Variants in GRM3 observed in about 807,000 individuals in gnomAD.
The protein encoded by GRM3 is glutamate metabotropic receptor 3.
In GRM3, 26 loss-of-function variants were observed where a neutral mutation model predicts 70.5. That is an observed-to-expected ratio of 0.37 (90% CI 0.27 to 0.51). The LOEUF (loss-of-function observed/expected upper bound fraction) is 0.51, where lower values mean the gene tolerates loss of function less well. Ranked by LOEUF, GRM3 falls within the 20% of genes least tolerant of loss-of-function variation. GRM3 has a pLI of 0.93. For missense variants in GRM3, 859 were observed against 1,123.8 expected, an observed-to-expected ratio of 0.76 and a Z score of 3.37; for synonymous variants, 443 against 434.9, an observed-to-expected ratio of 1.02 and a Z score of -0.23.
intron 3 of GRM3, among the ~76,000 whole-genome samples, chr7:86,814,052 T>A (rs1422011457): frequency 4.6e-5 from 7 of 151,712 alleles, no homozygotes; most frequent in Non-Finnish European, 1.0e-4. Flanking sequence ...AAGTAGACTA[T>A]AAATCATCTA....
At chr7:86,741,270 G>T (rs186935096) in intron 1 of GRM3, among the ~76,000 whole-genome samples, 1 of 152,256 alleles carries the variant, frequency 6.6e-6, no homozygotes, top group East Asian at 1.9e-4. Context: ...TACATACACG[G>T]TATTCCAGTG....
intron 2 of GRM3, among the ~76,000 whole-genome samples, chr7:86,767,395 G>A (rs1185609432): frequency 6.6e-6 from 1 of 150,934 alleles, no homozygotes; most frequent in African/African-American, 2.4e-5. Context: ...TTCACTAGAT[G>A]GATAGAAAAT....
chr7:86,801,025 C>T (rs1797668368), intron 3 of GRM3, among the ~76,000 whole-genome samples: 1 of 148,662 alleles, frequency 6.7e-6, no homozygotes, highest in African/African-American at 2.5e-5. Context: ...TGGCTAGCAA[C>T]TAGTCTCATC....
At chr7:86,757,628 A>G (rs1399849359) in intron 1 of GRM3, among the ~76,000 whole-genome samples, 1 of 152,164 alleles carries the variant, frequency 6.6e-6, no homozygotes, top group Non-Finnish European at 1.5e-5. Flanking sequence ...TCACTGCCCC[A>G]CAAATAGCAA....
At chr7:86,835,550 C>T (rs894769585) in intron 3 of GRM3, among the ~76,000 whole-genome samples, 9 of 152,108 alleles carry the variant, frequency 5.9e-5, no homozygotes, top group African/African-American at 2.2e-4. Context: ...TTAGAAGAAT[C>T]TTTCCAACAT....
Position 86,839,963 on chromosome 7 carries a change from T to A in GRM3, c.2391+58T>A. 2 of 1,012,708 alleles carry A rather than the reference T, an allele frequency of 2.0e-6. No homozygotes were observed. The highest frequency in any genetic ancestry group is 1.5e-6 in the Non-Finnish European group (1 of 655,920). The allele number at this position is 1,012,708 out of a possible 1,614,324, so 62.7% of individuals were successfully genotyped here. Reference sequence around the variant, plus strand: ...TCTTTCTCCTCCAGTGTTTCTTGTGTAGTATTTAAAATAGACTCCTTTTAT... The same window carrying A: ...TCTTTCTCCTCCAGTGTTTCTTGTGAAGTATTTAAAATAGACTCCTTTTAT... On this transcript the variant is annotated intron_variant, in intron 4 of 5. Coordinates refer to ENST00000361669, the MANE Select transcript of GRM3 (RefSeq NM_000840.3). This position sits in a 1 kb window ranked among gnomAD's most constrained non-coding sequence, Gnocchi z 4.5.
intron 3 of GRM3, among the ~76,000 whole-genome samples, chr7:86,835,049 T>C (rs553507065): frequency 6.6e-6 from 1 of 152,188 alleles, no homozygotes; most frequent in South Asian, 2.1e-4. Context: ...TCCTAACCAA[T>C]ACTAAAATTT....
Position 86,765,318 on chromosome 7 carries a change from G to A in GRM3, c.173G>A (p.Gly58Glu). Residue 58 changes from glycine (G) to glutamate (E), a missense_variant, in exon 2 of 6, where the codon GGG (glycine) becomes GAG (glutamate). Physicochemically the swap from Gly to Glu is moderately conservative, Grantham distance 98. Coordinates refer to ENST00000361669, the MANE Select transcript of GRM3 (RefSeq NM_000840.3). Reference protein sequence around the residue: ...NEKGTGTEECGRINEDRGIQR... With the variant: ...NEKGTGTEECERINEDRGIQR... ...AAAGGCACTGGAACTGAAGAATGTG[G>A]GCGAATCAATGAAGACCGAGGGATT... 1 of 1,613,894 alleles carries A rather than the reference G, an allele frequency of 6.2e-7. No individual in the cohort carries two copies. The highest frequency in any genetic ancestry group is 8.5e-7 in the Non-Finnish European group (1 of 1,179,876).
intron 4 of GRM3, 108 bp from the exon 5 acceptor site, chr7:86,850,262 T>A: frequency 1.4e-6 from 1 of 694,996 alleles, no homozygotes; most frequent in Non-Finnish European, 2.6e-6. Context: ...AGGACAGAGC[T>A]GTCAATTATT....
intron 1 of GRM3, among the ~76,000 whole-genome samples, chr7:86,658,758 T>G (rs1057153529): frequency 3.5e-4 from 53 of 152,068 alleles, no homozygotes; most frequent in African/African-American, 1.2e-3. Context: ...AACTGGGGTA[T>G]TGTGTTTTAT....
In GRM3 at chr7:86,765,488, G is replaced by A. The variant is rs541049570; in HGVS notation, c.343G>A (p.Ala115Thr). ...ALEQSLEFVR[A>T]SLTKVDEAEY... Reference sequence around the variant, plus strand: ...GGAGCAATCACTGGAGTTTGTCAGGGCATCTTTGACAAAAGTGGATGAAGC... The same window carrying A: ...GGAGCAATCACTGGAGTTTGTCAGGACATCTTTGACAAAAGTGGATGAAGC... Residue 115 changes from alanine to threonine, a missense_variant, in exon 2 of 6, where the codon GCA becomes ACA. Transcript: ENST00000361669. 2.3e-5 allele frequency: 37 copies of A among 1,613,882 alleles called. No homozygotes were observed. Among genetic ancestry groups the A allele is most frequent in the East Asian group, 2.2e-4 (10 of 44,870 alleles).
At chr7:86,656,529 A>G (rs910403467) in intron 1 of GRM3, among the ~76,000 whole-genome samples, 1 of 152,008 alleles carries the variant, frequency 6.6e-6, no homozygotes, top group African/African-American at 2.4e-5. Flanking sequence ...TTGGCCTCCC[A>G]AAGTGCTGGG....
At chr7:86,789,628 C>G (rs1020328838) in intron 3 of GRM3, among the ~76,000 whole-genome samples, 1 of 152,140 alleles carries the variant, frequency 6.6e-6, no homozygotes, top group Non-Finnish European at 1.5e-5. Flanking sequence ...ACACACTTAG[C>G]AGACACTAAA....
At chr7:86,655,623 T>C (rs545150181) in intron 1 of GRM3, among the ~76,000 whole-genome samples, 1 of 151,386 alleles carries the variant, frequency 6.6e-6, no homozygotes, top group African/African-American at 2.4e-5. Context: ...AGCAGGAGCC[T>C]CTTTCAAGTA....
At chr7:86,834,089 CTTAA>C (rs1396553039) in intron 3 of GRM3, among the ~76,000 whole-genome samples, 4 of 152,246 alleles carry the variant, frequency 2.6e-5, no homozygotes, top group African/African-American at 4.8e-5. Flanking sequence ...CCTGACCTTG[CTTAA>C]TTATCTTTAT....
rs1454566331 is a variant in GRM3, at chr7:86,786,674, C to T, written c.882C>T (p.Ser294=). 6.2e-7 allele frequency: 1 copy of T among 1,612,034 alleles called. No homozygotes were observed. Among genetic ancestry groups the T allele is most frequent in the African/African-American group, 1.3e-5 (1 of 74,944 alleles). The stretch of plus-strand genomic sequence containing the variant: ...CAGCCGCCAGCCGCGCCAATGCCTC[C>T]TTCACCTGGGTGGCCAGCGACGGCT... ...LIAAASRANA[S]FTWVASDGWG... The change falls in exon 3 of 6, where the codon TCC becomes TCT. Residue 294 remains serine (S), a synonymous_variant. Coordinates refer to ENST00000361669, the MANE Select transcript of GRM3 (RefSeq NM_000840.3). This position sits in a 1 kb window ranked among gnomAD's most constrained non-coding sequence, Gnocchi z 6.0.
chr7:86,823,616 G>A (rs1419159238), intron 3 of GRM3, among the ~76,000 whole-genome samples: 6 of 117,070 alleles, frequency 5.1e-5, no homozygotes, highest in African/African-American at 2.0e-4. Context: ...GGCGGGGGGG[G>A]ATTAGTGCAT....
chr7:86,791,634 TG>T (rs932914428), intron 3 of GRM3, among the ~76,000 whole-genome samples: 34 of 152,216 alleles, frequency 2.2e-4, no homozygotes, highest in Non-Finnish European at 1.2e-4. Context: ...ACGAGGACTC[TG>T]GGAAATTGAT....
At chr7:86,677,787 C>T (rs148049784) in intron 1 of GRM3, among the ~76,000 whole-genome samples, 19 of 151,608 alleles carry the variant, frequency 1.3e-4, no homozygotes, top group African/African-American at 3.4e-4. Flanking sequence ...GAAAATGGCC[C>T]GCAAAGAATG....
Sources: gnomAD v4.1 joint callset for allele counts (sites outside exome capture counted in the v4.1 genomes callset) on GRCh38, gnomAD v4.1.1 for gene constraint, Gnocchi (gnomAD v3.1) non-coding constraint, MANE v1.5 for transcripts, NCBI Gene and HGNC (gene_info 2026-07-23, HGNC 2026-07-21) for gene names.